Variants in RAD54L2 observed in about 807,000 individuals in gnomAD.
The protein encoded by RAD54L2 is helicase ARIP4.
A neutral mutation model predicts 138.4 loss-of-function variants in RAD54L2; 27 were observed. The ratio of observed to expected loss-of-function variants is 0.20; its 90% CI spans 0.14 to 0.27. RAD54L2 has a LOEUF of 0.27. Ranked by LOEUF, RAD54L2 falls within the 10% of genes least tolerant of loss-of-function variation. The pLI, the probability that RAD54L2 is intolerant of heterozygous loss-of-function variation, is 1.00. For synonymous variants in RAD54L2, 644 were observed against 723.2 expected (o/e 0.89, Z 1.76); for missense variants, 1,396 against 1,890.2 (o/e 0.74, Z 4.85).
chr3:51,574,708 G>A (rs2106672958), intron 2 of RAD54L2, among the ~76,000 whole-genome samples: 2 of 152,144 alleles, frequency 1.3e-5, no homozygotes, highest in Admixed American at 1.3e-4. Flanking sequence ...ATTTTTTCTT[G>A]TAAATTTGTT....
At chr3:51,579,763 A>T (rs1376337354) in intron 2 of RAD54L2, among the ~76,000 whole-genome samples, 2 of 152,220 alleles carry the variant, frequency 1.3e-5, no homozygotes, top group Admixed American at 6.5e-5. Context: ...TTAAATAAGT[A>T]GTATATAGAT....
intron 3 of RAD54L2, among the ~76,000 whole-genome samples, chr3:51,608,002 G>A (rs1261273085): frequency 3.4e-5 from 5 of 149,050 alleles, no homozygotes; most frequent in Admixed American, 2.0e-4. Context: ...GGGCAGCTGC[G>A]GGGCGGAGAT....
At chr3:51,549,287 C>T (rs887805803) in intron 2 of RAD54L2, among the ~76,000 whole-genome samples, 2 of 151,924 alleles carry the variant, frequency 1.3e-5, no homozygotes, top group African/African-American at 2.4e-5. Flanking sequence ...AACCACCACT[C>T]CCGGCCTAGC....
At position 51,633,617 on chromosome 3, in the gene RAD54L2, C is replaced by G; in HGVS notation, c.866C>G (p.Ser289Cys). 1 of 1,613,966 alleles carries G rather than the reference C, an allele frequency of 6.2e-7. No homozygotes were observed. The highest frequency in any genetic ancestry group is 8.5e-7 in the Non-Finnish European group (1 of 1,179,866). Residue 289 changes from serine (S) to cysteine (C), a missense_variant, in exon 8 of 23, where the codon TCT becomes TGT. By Grantham distance (112) the Ser-to-Cys change is moderately radical. This residue lies in a region of RAD54L2 where 12 missense variants were observed against 46.1 expected (regional missense o/e 0.26). Coordinates refer to ENST00000684192, the MANE Select transcript of RAD54L2 (RefSeq NM_015106.4). ...TTCCTTTACGATAACCTAGTGGAGT[C>G]TCTGGAGAGGTTTAAGACCAGCAGT... is the stretch of plus-strand genomic sequence containing the variant. ...IRFLYDNLVE[S>C]LERFKTSSGF... is the part of the protein sequence containing the mutation.
chr3:51,626,927 A>G (rs1289143114), intron 3 of RAD54L2, among the ~76,000 whole-genome samples: 1 of 152,134 alleles, frequency 6.6e-6, no homozygotes, highest in African/African-American at 2.4e-5. Context: ...TGTGATATAT[A>G]GCACACCTTG....
At chr3:51,587,715 C>T (rs1033170249) in intron 2 of RAD54L2, among the ~76,000 whole-genome samples, 1 of 151,928 alleles carries the variant, frequency 6.6e-6, no homozygotes, top group Non-Finnish European at 1.5e-5. Flanking sequence ...ATCTAGTTTG[C>T]TTTTCTTTTT....
intron 3 of RAD54L2, among the ~76,000 whole-genome samples, chr3:51,612,270 G>T (rs367765298): frequency 1.3e-5 from 2 of 152,100 alleles, no homozygotes; most frequent in Non-Finnish European, 2.9e-5. Flanking sequence ...TTTAAGACCA[G>T]CCTGGCCAAC....
chr3:51,599,818 A>G (rs1213854405), intron 3 of RAD54L2, among the ~76,000 whole-genome samples: 4 of 151,908 alleles, frequency 2.6e-5, no homozygotes, highest in South Asian at 2.1e-4. Flanking sequence ...GGATTTCACA[A>G]TGTTGACCGG....
intron 3 of RAD54L2, among the ~76,000 whole-genome samples, chr3:51,595,941 T>TC (rs1699949594): frequency 6.8e-6 from 1 of 146,704 alleles, no homozygotes; most frequent in African/African-American, 2.5e-5. Flanking sequence ...GTCTTCTTTT[T>TC]TTTTTTTTTG....
intron 19 of RAD54L2, among the ~76,000 whole-genome samples, chr3:51,652,125 C>T (rs972905752): frequency 1.3e-5 from 2 of 152,172 alleles, no homozygotes; most frequent in African/African-American, 2.4e-5. Context: ...AAATCACAAG[C>T]ATTCCTATAC....
chr3:51,631,897 G>T (rs1198610967), intron 7 of RAD54L2, among the ~76,000 whole-genome samples: 1 of 152,146 alleles, frequency 6.6e-6, no homozygotes, highest in African/African-American at 2.4e-5. Context: ...GCCTCCCAAA[G>T]TGTTAGGATT....
At chr3:51,540,395 T>C (rs1288389357) in intron 1 of RAD54L2, among the ~76,000 whole-genome samples, 1 of 152,238 alleles carries the variant, frequency 6.6e-6, no homozygotes, top group East Asian at 1.9e-4. Flanking sequence ...ATTATCCATC[T>C]TCAATGAATT....
Position 51,638,301 on chromosome 3 carries a change from G to C in RAD54L2, c.1840G>C (p.Ala614Pro). The change falls in exon 12 of 23, where the codon GCA becomes CCA. Residue 614 changes from alanine to proline, a missense_variant. Ala to Pro is a conservative substitution (Grantham distance 27). Transcript: ENST00000684192. The surrounding 1 kb of genome is among the most constrained non-coding windows in gnomAD (Gnocchi z 4.3). Reference protein sequence around the residue: ...SGWLGLNPLKAFCVCCKIWNH... With the variant: ...SGWLGLNPLKPFCVCCKIWNH... ...TTGGCTGGGGCTGAACCCCCTTAAG[G>C]CATTCTGTGTGTGTTGCAAGGTGCA... The C allele has an allele frequency of 6.2e-7, 1 of 1,613,918 alleles. No individual in the cohort carries two copies. Among genetic ancestry groups the C allele is most frequent in the Non-Finnish European group, 8.5e-7 (1 of 1,179,884 alleles).
chr3:51,639,377 G>A (rs1395145180), intron 12 of RAD54L2, 42 bp from the exon 13 acceptor site: 29 of 1,606,110 alleles, frequency 1.8e-5, no homozygotes, highest in Non-Finnish European at 2.5e-5. Flanking sequence ...CCCTTGGAAT[G>A]TTTTTTGTCC....
In RAD54L2 at chr3:51,637,088, C is replaced by T. The variant is rs949642003; in HGVS notation, c.1340-73C>T. 22 of 1,305,438 alleles carry T rather than the reference C, an allele frequency of 1.7e-5. No individual in the cohort carries two copies. The East Asian group carries it at 5.3e-4, about 31-fold the overall frequency. 80.9% of individuals were successfully genotyped at this position (1,305,438 alleles called of 1,614,324 possible). On this transcript the variant is annotated intron_variant, in intron 10 of 22. Transcript: ENST00000684192. This position sits in a 1 kb window ranked among gnomAD's most constrained non-coding sequence, Gnocchi z 5.9. ...TTTCTTCTGTCTCCTCCAGGGTGCA[C>T]CCCTACTTCTCATATTATTGACTAA...
chr3:51,657,810 A>C (rs1325951251), intron 21 of RAD54L2, 141 bp downstream of exon 21: 1 of 635,394 alleles, frequency 1.6e-6, no homozygotes, highest in Non-Finnish European at 2.8e-6. Context: ...CTGAATGAGA[A>C]AATAGCATTT....
chr3:51,665,888 A>G lies in RAD54L2; in HGVS notation c.*2468A>G, dbSNP rs1461849141. The G allele has an allele frequency of 6.6e-6, 1 of 152,254 alleles. No individual in the cohort carries two copies. The highest frequency in any genetic ancestry group is 6.5e-5 in the Admixed American group (1 of 15,280). The allele number at this position is 152,254 out of a possible 1,614,324, so 9.4% of individuals were successfully genotyped here. On this transcript the variant is annotated 3_prime_UTR_variant, in exon 23 of 23. Transcript: ENST00000684192. ...TAGGAAATCACTGTACTAGCCTCCA[A>G]GAATCCGGAAACCTTCCCAGCCGGG...
chr3:51,608,405 C>T (rs1700252653), intron 3 of RAD54L2, among the ~76,000 whole-genome samples: 1 of 152,156 alleles, frequency 6.6e-6, no homozygotes, highest in Non-Finnish European at 1.5e-5. Flanking sequence ...CAGAGACGCT[C>T]CTCACTTCCT....
Position 51,645,834 on chromosome 3 carries a change from T to C in RAD54L2, c.2829+71T>C, listed in dbSNP as rs1701265585. On this transcript the variant is annotated intron_variant, in intron 18 of 22. Transcript: ENST00000684192. The surrounding 1 kb of genome is among the most constrained non-coding windows in gnomAD (Gnocchi z 6.1). ...GTCAAAGGAGGCTTGTCTTGTAAGCTTTTTTCTTCATCTGAGGTGATGTTT... is the reference window on the plus strand; with the variant it reads ...GTCAAAGGAGGCTTGTCTTGTAAGCCTTTTTCTTCATCTGAGGTGATGTTT... 2.1e-6 allele frequency: 3 copies of C among 1,447,156 alleles called. No homozygotes were observed. The highest frequency in any genetic ancestry group is 2.8e-6 in the Non-Finnish European group (3 of 1,081,898). The allele number at this position is 1,447,156 out of a possible 1,614,324, so 89.6% of individuals were successfully genotyped here.
Sources: allele counts gnomAD v4.1 joint callset (sites outside exome capture counted in the v4.1 genomes callset), GRCh38; gene constraint gnomAD v4.1.1; regional missense constraint gnomAD v4.1.1; non-coding constraint Gnocchi (gnomAD v3.1); transcripts MANE v1.5; gene names NCBI Gene and HGNC (gene_info 2026-07-23, HGNC 2026-07-21).